The following NYAP1 variants were observed in gnomAD, a reference collection of about 807,000 sequenced individuals.
The protein encoded by NYAP1 is neuronal tyrosine phosphorylated phosphoinositide-3-kinase adaptor 1.
NYAP1 carries 20 observed loss-of-function variants against 58.6 expected under a neutral mutation model. The observed-to-expected ratio is 0.34, with a 90% confidence interval of 0.24 to 0.50. NYAP1 has a LOEUF of 0.50. Among genes scored for constraint, NYAP1 ranks in the 20% least tolerant of loss-of-function variants. The pLI is 0.98. For missense variants in NYAP1, 1,150 were observed against 1,194.5 expected, an observed-to-expected ratio of 0.96 and a Z score of 0.55; for synonymous variants, 572 against 523.1, an observed-to-expected ratio of 1.09 and a Z score of -1.27.
chr7:100,485,416 C>T lies in NYAP1; in HGVS notation c.68+37C>T. 5 of 1,504,476 alleles carry T rather than the reference C, an allele frequency of 3.3e-6. 1 individual carries two copies. The South Asian group carries it at 4.8e-5, about 14-fold the overall frequency. 93.2% of individuals were successfully genotyped at this position (1,504,476 alleles called of 1,614,324 possible). A position where few individuals can be genotyped will look rare whatever the true frequency, so the allele number is the denominator to read the frequency against. ...CCCCAGACTGCTCCCTTCCCTTCCG[C>T]ACCTCTGCCTGCCCCCTCACTGGGC... On this transcript the variant is annotated intron_variant, in intron 2 of 6. Coordinates refer to ENST00000300179, the MANE Select transcript of NYAP1 (RefSeq NM_173564.4). The surrounding 1 kb of genome is among the most constrained non-coding windows in gnomAD (Gnocchi z 5.7).
intron 6 of NYAP1, among the ~76,000 whole-genome samples, 188 bp from the exon 7 acceptor site, chr7:100,493,458 A>G (rs1157717114): frequency 1.3e-5 from 2 of 152,250 alleles, no homozygotes; most frequent in Non-Finnish European, 2.9e-5. Context: ...GGCTGGGCCA[A>G]AGCTGCGCAA....
chr7:100,485,240 C>T lies in NYAP1; in HGVS notation c.-72C>T. On this transcript the variant is annotated 5_prime_UTR_variant, in exon 2 of 7. Coordinates refer to ENST00000300179, the MANE Select transcript of NYAP1 (RefSeq NM_173564.4). The surrounding 1 kb of genome is among the most constrained non-coding windows in gnomAD (Gnocchi z 5.7). ...CCCCGCCCGCCAGTGGATCCGGGAC[C>T]CAGGGAGGGCCGCCCCCCGGGCCTG... 1 of 888,218 alleles carries T rather than the reference C, an allele frequency of 1.1e-6. No homozygotes were observed. The highest frequency in any genetic ancestry group is 1.8e-6 in the Non-Finnish European group (1 of 553,426). 55.0% of individuals were successfully genotyped at this position (888,218 alleles called of 1,614,324 possible). A position where few individuals can be genotyped will look rare whatever the true frequency, so the allele number is the denominator to read the frequency against.
At position 100,489,352 on chromosome 7, in the gene NYAP1, C is replaced by T; in HGVS notation, c.1631C>T (p.Pro544Leu). 6.2e-7 allele frequency: 1 copy of T among 1,611,866 alleles called. No individual in the cohort carries two copies. Residue 544 changes from proline (P) to leucine (L), a missense_variant, in exon 4 of 7, where the codon CCC (proline) becomes CTC (leucine). Transcript: ENST00000300179. ...PHSLPDPTVG[P>L]LTPLWTYPAT... ...AGCCTTCCGGACCCAACTGTAGGCC[C>T]CCTGACCCCGCTGTGGACCTACCCA...
At position 100,490,607 on chromosome 7, in the gene NYAP1, T is replaced by G; in HGVS notation, c.2036T>G (p.Ile679Ser). 1 of 1,577,378 alleles carries G rather than the reference T, an allele frequency of 6.3e-7. No homozygotes were observed. Among genetic ancestry groups the G allele is most frequent in the Non-Finnish European group, 8.6e-7 (1 of 1,161,904 alleles). Reference protein sequence around the residue: ...REDRGPGTSGIPVRSQGAEGL... With the variant: ...REDRGPGTSGSPVRSQGAEGL... ...GACAGGGGCCCTGGGACATCGGGGATCCCAGTGAGAAGCCAGGGGGCAGAG... is the reference window on the plus strand; with the variant it reads ...GACAGGGGCCCTGGGACATCGGGGAGCCCAGTGAGAAGCCAGGGGGCAGAG... Residue 679 changes from isoleucine (I) to serine (S), a missense_variant, in exon 5 of 7, where the codon ATC (isoleucine) becomes AGC (serine). Coordinates refer to ENST00000300179, the MANE Select transcript of NYAP1 (RefSeq NM_173564.4). The surrounding 1 kb of genome is among the most constrained non-coding windows in gnomAD (Gnocchi z 4.6).
At chr7:100,493,617 T>A in intron 6 of NYAP1, 29 bp from the exon 7 acceptor site, 1 of 1,543,824 alleles carries the variant, frequency 6.5e-7, no homozygotes, top group Middle Eastern at 2.0e-4. Flanking sequence ...CTTACCCGCG[T>A]TTTCCTTTCT....
chr7:100,490,553 C>T lies in NYAP1; in HGVS notation c.1982C>T (p.Ala661Val), dbSNP rs1475507133. The T allele has an allele frequency of 6.3e-7, 1 of 1,588,332 alleles. No individual in the cohort carries two copies. Among genetic ancestry groups the T allele is most frequent in the Admixed American group, 1.8e-5 (1 of 55,830 alleles). Residue 661 changes from alanine to valine, a missense_variant, in exon 5 of 7, where the codon GCC becomes GTC. Transcript: ENST00000300179. This position sits in a 1 kb window ranked among gnomAD's most constrained non-coding sequence, Gnocchi z 4.6. ...GGTGCCCGGGCCTGGAATGGCAGTG[C>T]CGAGGGTCCAGGCAAGGTGGAGCGT... ...EDGARAWNGS[A>V]EGPGKVERED...
rs569348444 is a variant in NYAP1 at position 100,488,472 on chromosome 7, G to A, written c.751G>A (p.Asp251Asn). 21 of 1,611,678 alleles carry A rather than the reference G, an allele frequency of 1.3e-5. No individual in the cohort carries two copies. The African/African-American group carries it at 1.5e-4, about 11-fold the overall frequency. Reference protein sequence around the residue: ...GGGPTPPAGADSDSEESEAIY... With the variant: ...GGGPTPPAGANSDSEESEAIY... ...GGGCCCGACCCCTCCAGCGGGCGCC[G>A]ACTCGGACTCTGAAGAGAGTGAGGC... Residue 251 changes from aspartate (D) to asparagine (N), a missense_variant, in exon 4 of 7, where the codon GAC becomes AAC. Coordinates refer to ENST00000300179, the MANE Select transcript of NYAP1 (RefSeq NM_173564.4). This position sits in a 1 kb window ranked among gnomAD's most constrained non-coding sequence, Gnocchi z 5.9.
rs1799703055 is a variant in NYAP1 at position 100,486,416 on chromosome 7, G to T, written c.69-405G>T. On this transcript the variant is annotated intron_variant, in intron 2 of 6. Coordinates refer to ENST00000300179, the MANE Select transcript of NYAP1 (RefSeq NM_173564.4). This position sits in a 1 kb window ranked among gnomAD's most constrained non-coding sequence, Gnocchi z 6.2. ...AGGTCACAGTGGCTGGGCAGGAGGG[G>T]TAACCAGAGGCCAGGTGTGGGCCAC... Among the ~76,000 whole-genome samples the T allele has an allele frequency of 6.6e-6, 1 of 152,228 alleles. No homozygotes were observed. The highest frequency in any genetic ancestry group is 2.4e-5 in the African/African-American group (1 of 41,538).
Position 100,488,804 on chromosome 7 carries a change from C to A in NYAP1, c.1083C>A (p.Cys361Ter). ...GDGVSRLPVLCHSKEPAGSTP... is the reference protein window; with the variant it reads ...GDGVSRLPVL Reference sequence around the variant, plus strand: ...GGGTCTCAAGGCTACCTGTCCTCTGCCACTCCAAGGAGCCAGCCGGCTCCA... The same window carrying A: ...GGGTCTCAAGGCTACCTGTCCTCTGACACTCCAAGGAGCCAGCCGGCTCCA... The change falls in exon 4 of 7, where the codon TGC becomes TGA. Residue 361 changes from cysteine to a stop codon, truncating the protein, a stop_gained. Coordinates refer to ENST00000300179, the MANE Select transcript of NYAP1 (RefSeq NM_173564.4). LOFTEE classifies it high-confidence loss of function. The surrounding 1 kb of genome is among the most constrained non-coding windows in gnomAD (Gnocchi z 5.9). 6.3e-7 allele frequency: 1 copy of A among 1,579,704 alleles called. No homozygotes were observed. The highest frequency in any genetic ancestry group is 1.8e-5 in the Admixed American group (1 of 54,074).
Position 100,487,213 on chromosome 7 carries a change from G to T in NYAP1, c.430+31G>T. 6.8e-7 allele frequency: 1 copy of T among 1,469,030 alleles called. No individual in the cohort carries two copies. The highest frequency in any genetic ancestry group is 2.5e-5 in the East Asian group (1 of 39,266). The allele number at this position is 1,469,030 out of a possible 1,614,324, so 91.0% of individuals were successfully genotyped here. ...ATACCCCCTATCTCTCCCTGGGGTG[G>T]AGCTGGGAGCTGGGAGGATCTATTC... On this transcript the variant is annotated intron_variant, in intron 3 of 6. Coordinates refer to ENST00000300179, the MANE Select transcript of NYAP1 (RefSeq NM_173564.4). The surrounding 1 kb of genome is among the most constrained non-coding windows in gnomAD (Gnocchi z 4.1).
At position 100,493,639 on chromosome 7, in the gene NYAP1, G is replaced by T; in HGVS notation, c.2269-7G>T. 1.3e-6 allele frequency: 2 copies of T among 1,565,230 alleles called. No homozygotes were observed. The highest frequency in any genetic ancestry group is 1.2e-5 in the South Asian group (1 of 86,718). On this transcript the variant is annotated splice_polypyrimidine_tract_variant and splice_region_variant and intron_variant, in intron 6 of 6. Coordinates refer to ENST00000300179, the MANE Select transcript of NYAP1 (RefSeq NM_173564.4). ...GCGTTTTCCTTTCTCCCCCGCCCGC[G>T]GCACAGCCCCACCCCGCGCTGCCGC...
rs775435240 is a variant in NYAP1, at chr7:100,488,622, C to T, written c.901C>T (p.Arg301Cys). 6.2e-6 allele frequency: 10 copies of T among 1,610,526 alleles called. No homozygotes were observed. The highest frequency in any genetic ancestry group is 1.3e-5 in the African/African-American group (1 of 74,930). ...QPHALPPHAH[R>C]RPASALPSRR... ...TCACGCCCTTCCGCCCCATGCCCAC[C>T]GCCGCCCAGCTTCAGCCCTCCCGAG... The change falls in exon 4 of 7, where the codon CGC becomes TGC. Residue 301 changes from arginine (R) to cysteine (C), a missense_variant. Physicochemically the swap from Arg to Cys is radical, Grantham distance 180. Coordinates refer to ENST00000300179, the MANE Select transcript of NYAP1 (RefSeq NM_173564.4). This position sits in a 1 kb window ranked among gnomAD's most constrained non-coding sequence, Gnocchi z 5.9.
chr7:100,484,176 C>T (rs965802291), intron 1 of NYAP1, among the ~76,000 whole-genome samples, 175 bp downstream of exon 1: 3 of 151,758 alleles, frequency 2.0e-5, no homozygotes, highest in African/African-American at 7.3e-5. Context: ...ATGAAGCAGG[C>T]CAGGTTTGGA....
intron 6 of NYAP1, among the ~76,000 whole-genome samples, chr7:100,492,927 AAG>A (rs1799815244): frequency 2.0e-5 from 3 of 151,900 alleles, no homozygotes; most frequent in Admixed American, 2.0e-4. Context: ...GAGTGAGAGA[AAG>A]AAGGAAGAAA....
At position 100,485,317 on chromosome 7, in the gene NYAP1, C is replaced by A; in HGVS notation, c.6C>A (p.Asn2Lys). Residue 2 changes from asparagine (N) to lysine (K), a missense_variant, in exon 2 of 7, where the codon AAC becomes AAA. By Grantham distance (94) the Asn-to-Lys change is moderately conservative. Coordinates refer to ENST00000300179, the MANE Select transcript of NYAP1 (RefSeq NM_173564.4). The surrounding 1 kb of genome is among the most constrained non-coding windows in gnomAD (Gnocchi z 5.7). M[N>K]LLYRKTKLEW... ...CCCACCTCCTGCCCCACGAGATGAACCTCCTCTACCGAAAAACCAAGCTGG... is the reference window on the plus strand; with the variant it reads ...CCCACCTCCTGCCCCACGAGATGAAACTCCTCTACCGAAAAACCAAGCTGG... The A allele has an allele frequency of 1.3e-6, 2 of 1,595,782 alleles. No homozygotes were observed. The highest frequency in any genetic ancestry group is 1.7e-6 in the Non-Finnish European group (2 of 1,170,132).
rs1445646458 is a variant in NYAP1, at chr7:100,486,595, C to A, written c.69-226C>A. ...GGATGCTCCCCTGCAGGCATACTCA[C>A]CCCTCTTCTCATCCCTGCCCCCAAC... On this transcript the variant is annotated intron_variant, in intron 2 of 6. Transcript: ENST00000300179. The surrounding 1 kb of genome is among the most constrained non-coding windows in gnomAD (Gnocchi z 6.2). Among the ~76,000 whole-genome samples, 1 of 152,140 alleles carries A rather than the reference C, an allele frequency of 6.6e-6. No individual in the cohort carries two copies. Among genetic ancestry groups the A allele is most frequent in the East Asian group, 1.9e-4 (1 of 5,192 alleles).
rs1799847142 is a variant in NYAP1, at chr7:100,494,661, G to A, written c.*758G>A. 7.3e-6 allele frequency: 1 copy of A among 136,728 alleles called. No homozygotes were observed. The highest frequency in any genetic ancestry group is 1.5e-5 in the Non-Finnish European group (1 of 64,602). The allele number at this position is 136,728 out of a possible 1,614,324, so 8.5% of individuals were successfully genotyped here. ...GCCAGGGATGGGCAGGATGATGGGGGAGGAGGAGGGAAATTTTAGCGGGTG... is the reference window on the plus strand; with the variant it reads ...GCCAGGGATGGGCAGGATGATGGGGAAGGAGGAGGGAAATTTTAGCGGGTG... On this transcript the variant is annotated 3_prime_UTR_variant, in exon 7 of 7. Coordinates refer to ENST00000300179, the MANE Select transcript of NYAP1 (RefSeq NM_173564.4).
At position 100,489,271 on chromosome 7, in the gene NYAP1, C is replaced by T; in HGVS notation, c.1550C>T (p.Ala517Val). 1 of 1,600,890 alleles carries T rather than the reference C, an allele frequency of 6.2e-7. No individual in the cohort carries two copies. Among genetic ancestry groups the T allele is most frequent in the Non-Finnish European group, 8.5e-7 (1 of 1,174,526 alleles). The change falls in exon 4 of 7, where the codon GCC becomes GTC. Residue 517 changes from alanine (A) to valine (V), a missense_variant. Physicochemically the swap from Ala to Val is moderately conservative, Grantham distance 64. Coordinates refer to ENST00000300179, the MANE Select transcript of NYAP1 (RefSeq NM_173564.4). Reference sequence around the variant, plus strand: ...GGGAAGACCAGCCCCCACGGTGGGGCCATGGGCGCAGCAGCTGGGGTCCTC... The same window carrying T: ...GGGAAGACCAGCCCCCACGGTGGGGTCATGGGCGCAGCAGCTGGGGTCCTC... ...VPGKTSPHGG[A>V]MGAAAGVLHH... is the part of the protein sequence containing the mutation.
At position 100,489,675 on chromosome 7, in the gene NYAP1, G is replaced by A; in HGVS notation, c.1945+9G>A. On this transcript the variant is annotated intron_variant, in intron 4 of 6. Transcript: ENST00000300179. The stretch of plus-strand genomic sequence containing the variant: ...AGCAAAGGAGTTGGACAGTGAGTGA[G>A]GGGTGGGGAGTGGGGGCTGGCATCA... 4.0e-6 allele frequency: 6 copies of A among 1,512,644 alleles called. No individual in the cohort carries two copies. Among genetic ancestry groups the A allele is most frequent in the Non-Finnish European group, 5.3e-6 (6 of 1,126,460 alleles). 93.7% of individuals were successfully genotyped at this position (1,512,644 alleles called of 1,614,324 possible).
Sources: gnomAD v4.1 joint callset for allele counts (sites outside exome capture counted in the v4.1 genomes callset) on GRCh38, gnomAD v4.1.1 for gene constraint, Gnocchi (gnomAD v3.1) non-coding constraint, MANE v1.5 for transcripts, NCBI Gene and HGNC (gene_info 2026-07-23, HGNC 2026-07-21) for gene names.